TTC39B: variants seen among roughly 807,000 people sequenced by gnomAD.
TTC39B encodes tetratricopeptide repeat domain 39B.
TTC39B carries 92 observed loss-of-function variants against 96.6 expected under a neutral mutation model. The observed-to-expected ratio is 0.95, with a 90% CI of 0.80 to 1.13. The LOEUF (loss-of-function observed/expected upper bound fraction) is 1.13, where lower values mean the gene tolerates loss of function less well. Ranked by LOEUF, TTC39B falls within the 50% of genes most tolerant of loss-of-function variation. TTC39B has a pLI of 0.00. For synonymous variants in TTC39B, 367 were observed against 299.4 expected, an observed-to-expected ratio of 1.23 and a Z score of -2.33; for missense variants, 955 against 809.3, an observed-to-expected ratio of 1.18 and a Z score of -2.18.
rs147806338 is a variant in TTC39B at position 15,293,571 on chromosome 9, G to C, written c.240+13513C>G. On this transcript the variant is annotated intron_variant, in intron 1 of 19. Coordinates refer to ENST00000512701, the Ensembl canonical transcript of TTC39B. ...CAAGATCCTAGGACCTACTGAGCAA[G>C]AATCGCTGGCGGTGAGACACAGGGA... 6.0e-5 allele frequency among the ~76,000 whole-genome samples: 9 copies of C among 148,992 alleles called. No individual in the cohort carries two copies. In the East Asian group the frequency reaches 1.7e-3, roughly 29 times the overall value.
At chr9:15,181,155 T>C (rs953858924) in intron 17 of TTC39B, among the ~76,000 whole-genome samples, 3 of 152,184 alleles carry the variant, frequency 2.0e-5, no homozygotes, top group African/African-American at 7.2e-5. Flanking sequence ...CTTGCTCAAA[T>C]AGACAGTAGG....
At chr9:15,260,575 A>G (rs1822907979) in intron 2 of TTC39B, among the ~76,000 whole-genome samples, 1 of 152,160 alleles carries the variant, frequency 6.6e-6, no homozygotes, top group African/African-American at 2.4e-5. Context: ...ACCCTTAATT[A>G]AAACAGGCAA....
chr9:15,275,680 G>A (rs1225752482), intron 1 of TTC39B, among the ~76,000 whole-genome samples: 1 of 152,114 alleles, frequency 6.6e-6, no homozygotes, highest in Admixed American at 6.5e-5. Context: ...GGAGCTTGGT[G>A]GGGAAGGAAT....
At chr9:15,212,518 C>T (rs937596118) in intron 4 of TTC39B, among the ~76,000 whole-genome samples, 8 of 152,192 alleles carry the variant, frequency 5.3e-5, no homozygotes, top group Non-Finnish European at 1.0e-4. Context: ...CTCCGCCTCC[C>T]GGGTTCAAGT....
intron 1 of TTC39B, among the ~76,000 whole-genome samples, chr9:15,289,397 G>A (rs1824097419): frequency 6.6e-6 from 1 of 152,098 alleles, no homozygotes; most frequent in Non-Finnish European, 1.5e-5. Flanking sequence ...TTAAATTAAT[G>A]GATGCAAATA....
At position 15,188,033 on chromosome 9, in the gene TTC39B, G is replaced by T. The variant is rs754347153; in HGVS notation, c.1333C>A (p.Gln445Lys). The change falls in exon 14 of 20, where the codon CAA (glutamine) becomes AAA (lysine). Residue 445 changes from glutamine to lysine, a missense_variant. Gln to Lys is a moderately conservative substitution (Grantham distance 53, BLOSUM62 1). Coordinates refer to ENST00000512701, the Ensembl canonical transcript of TTC39B. Reference sequence around the variant, plus strand: ...TAGTAATATGCCTGCATCCAGTTTTGTTGGAAAACATTAATCCACATTAGC... The same window carrying T: ...TAGTAATATGCCTGCATCCAGTTTTTTTGGAAAACATTAATCCACATTAGC... The T allele has an allele frequency of 1.2e-5, 19 of 1,612,460 alleles. No individual in the cohort carries two copies. The highest frequency in any genetic ancestry group is 5.0e-5 in the Admixed American group (3 of 59,782).
chr9:15,285,515 T>G (rs1027273832), intron 1 of TTC39B, among the ~76,000 whole-genome samples: 5 of 152,200 alleles, frequency 3.3e-5, no homozygotes, highest in East Asian at 3.9e-4. Flanking sequence ...CGTATAAATG[T>G]ATACGCCTAT....
At chr9:15,211,006 A>T (rs1820162941) in intron 5 of TTC39B, among the ~76,000 whole-genome samples, 1 of 152,178 alleles carries the variant, frequency 6.6e-6, no homozygotes, top group African/African-American at 2.4e-5. Context: ...ATCTACATTG[A>T]GAGATGCTTG....
exon 20 of TTC39B, chr9:15,172,078 T>C (rs762515009): frequency 1.2e-6 from 2 of 1,612,912 alleles, no homozygotes; most frequent in South Asian, 2.2e-5. Context: ...AAGTGTAGTC[T>C]GGACTCCAGG....
In TTC39B at chr9:15,224,712, T is replaced by C. The variant is rs140530197; in HGVS notation, c.371+1205A>G. On this transcript the variant is annotated intron_variant, in intron 3 of 19. Coordinates refer to ENST00000512701, the Ensembl canonical transcript of TTC39B. ...TTACTTAGGAAACTATCGAATGAGT[T>C]AGAGGATAACTATGAAGGAAGAGCA... 5.2e-3 allele frequency among the ~76,000 whole-genome samples: 789 copies of C among 152,302 alleles called. 3 individuals are homozygous for C. The highest frequency in any genetic ancestry group is 8.0e-3 in the Non-Finnish European group (541 of 68,024).
chr9:15,210,087 C>T lies in TTC39B; in HGVS notation c.691+1G>A, dbSNP rs1240265422. 1 of 1,593,542 alleles carries T rather than the reference C, an allele frequency of 6.3e-7. No homozygotes were observed. The highest frequency in any genetic ancestry group is 1.4e-5 in the African/African-American group (1 of 73,800). On this transcript the variant is annotated splice_donor_variant, in intron 6 of 19. Coordinates refer to ENST00000512701, the Ensembl canonical transcript of TTC39B. LOFTEE classifies it high-confidence loss of function. ...AAAGTGATCTTTTAAATGACTTTTA[C>T]CTTCACTCAGTTGCTCCAGGGATCC...
chr9:15,292,422 C>G (rs746320315), intron 1 of TTC39B, among the ~76,000 whole-genome samples: 1 of 152,142 alleles, frequency 6.6e-6, no homozygotes, highest in Non-Finnish European at 1.5e-5. Flanking sequence ...ATAGCACATA[C>G]AATTATGTAT....
chr9:15,182,504 T>G, intron 16 of TTC39B, 89 bp from the exon 17 acceptor site: 4 of 912,328 alleles, frequency 4.4e-6, no homozygotes, highest in Non-Finnish European at 6.5e-6. Context: ...GTGTTTTGCT[T>G]CGGTTTCTAG....
intron 1 of TTC39B, among the ~76,000 whole-genome samples, chr9:15,269,829 T>C (rs1272620102): frequency 1.3e-5 from 2 of 148,880 alleles, no homozygotes; most frequent in Non-Finnish European, 3.0e-5. Context: ...CACTCCATCC[T>C]GTGTGACAGA....
At chr9:15,259,967 A>G (rs1822886750) in intron 2 of TTC39B, among the ~76,000 whole-genome samples, 1 of 152,216 alleles carries the variant, frequency 6.6e-6, no homozygotes, top group African/African-American at 2.4e-5. Context: ...ATAAAAAGGC[A>G]CAGATTTCTT....
At chr9:15,302,476 G>C (rs1430085763) in intron 1 of TTC39B, among the ~76,000 whole-genome samples, 1 of 146,734 alleles carries the variant, frequency 6.8e-6, no homozygotes, top group African/African-American at 2.5e-5. Flanking sequence ...AATTAGCCGG[G>C]TGTGGTGGCA....
intron 2 of TTC39B, among the ~76,000 whole-genome samples, chr9:15,265,431 G>A (rs1382538569): frequency 1.3e-5 from 2 of 152,140 alleles, no homozygotes; most frequent in Non-Finnish European, 2.9e-5. Context: ...GTCTCCTCTG[G>A]TGAACTCCAA....
chr9:15,171,064 C>G (rs1817635731), exon 20 of TTC39B: 1 of 152,176 alleles, frequency 6.6e-6, no homozygotes. Context: ...GTGTCAAGCT[C>G]TCTTCTGCTC....
At chr9:15,222,383 G>A (rs946339982) in intron 3 of TTC39B, among the ~76,000 whole-genome samples, 9 of 152,116 alleles carry the variant, frequency 5.9e-5, no homozygotes, top group African/African-American at 2.2e-4. Context: ...ACACAGGTGT[G>A]GTTCATCACT....
Sources: gnomAD v4.1 joint callset for allele counts (sites outside exome capture counted in the v4.1 genomes callset) on GRCh38, gnomAD v4.1.1 for gene constraint, MANE v1.5 for transcripts, NCBI Gene and HGNC (gene_info 2026-07-23, HGNC 2026-07-21) for gene names.